Variants in PREX1 observed in about 807,000 individuals in gnomAD.
PREX1 encodes phosphatidylinositol-3,4,5-trisphosphate dependent Rac exchange factor 1, also known as phosphatidylinositol 3,4,5-trisphosphate-dependent Rac exchanger 1 protein.
PREX1 carries 41 observed loss-of-function variants against 198.3 expected under a neutral mutation model. The ratio of observed to expected loss-of-function variants is 0.21; its 90% CI spans 0.16 to 0.27. PREX1 has a LOEUF of 0.27. Among genes scored for constraint, PREX1 ranks in the 10% least tolerant of loss-of-function variants. The pLI is 1.00. For missense variants in PREX1, 1,620 were observed against 2,200.7 expected, an observed-to-expected ratio of 0.74 and a Z score of 5.28; for synonymous variants, 843 against 887.2, an observed-to-expected ratio of 0.95 and a Z score of 0.89.
the PREX1 span, among the ~76,000 whole-genome samples, chr20:48,873,554 CAA>C: frequency 0.23 from 16,327 of 69,858 alleles, 996 homozygotes; most frequent in Non-Finnish European, 0.24. Context: ...AGTAAAAATA[CAA>C]AAAAAAAAAA....
At position 48,660,018 on chromosome 20, in the gene PREX1, G is replaced by C; in HGVS notation, c.1782C>G (p.Arg594=). ...CCTCCATCTCCTCGTCAGCATGAAA[G>C]CGGAAGTACTGGGACTCATCCCTGA... ...SEFRDESQYF[R]FHADEEMEGT... Residue 594 remains arginine, a synonymous_variant, in exon 16 of 40, where the codon CGC becomes CGG. Transcript: ENST00000371941. The C allele has an allele frequency of 6.2e-7, 1 of 1,614,208 alleles. No homozygotes were observed. Among genetic ancestry groups the C allele is most frequent in the Non-Finnish European group, 8.5e-7 (1 of 1,180,032 alleles).
chr20:48,727,298 G>C (rs2090014639), intron 4 of PREX1, among the ~76,000 whole-genome samples: 1 of 152,072 alleles, frequency 6.6e-6, no homozygotes, highest in South Asian at 2.1e-4. Flanking sequence ...GCTCTCTTAG[G>C]AATGGAATAC....
At chr20:48,801,257 A>G (rs529546609) in intron 1 of PREX1, among the ~76,000 whole-genome samples, 1 of 152,350 alleles carries the variant, frequency 6.6e-6, no homozygotes, top group East Asian at 1.9e-4. Flanking sequence ...GTAAGCACCA[A>G]GGAACATCTC....
At chr20:48,819,221 C>T (rs1301947688) in intron 1 of PREX1, among the ~76,000 whole-genome samples, 5 of 152,200 alleles carry the variant, frequency 3.3e-5, no homozygotes, top group African/African-American at 1.2e-4. Context: ...GCATCTGAGG[C>T]CCATGCGACC....
At chr20:48,703,103 C>G (rs774046354) in intron 6 of PREX1, among the ~76,000 whole-genome samples, 16 of 152,352 alleles carry the variant, frequency 1.1e-4, no homozygotes, top group Middle Eastern at 3.4e-3. Context: ...TTCTGAGACC[C>G]AGTAAGGAGA....
chr20:48,725,113 C>T (rs931178399), intron 5 of PREX1, among the ~76,000 whole-genome samples: 1 of 152,210 alleles, frequency 6.6e-6, no homozygotes, highest in Non-Finnish European at 1.5e-5. Flanking sequence ...GCATCACCCA[C>T]CTTCTCCAGC....
the PREX1 span, among the ~76,000 whole-genome samples, chr20:48,883,013 C>A: frequency 6.6e-6 from 1 of 150,520 alleles, no homozygotes; most frequent in Non-Finnish European, 1.5e-5. Flanking sequence ...CCCACTGCGA[C>A]CTCTCAGCCT....
At chr20:48,762,768 T>A (rs767125418) in intron 1 of PREX1, among the ~76,000 whole-genome samples, 3 of 147,588 alleles carry the variant, frequency 2.0e-5, no homozygotes, top group African/African-American at 7.4e-5. Flanking sequence ...AGTGGCACCA[T>A]CTCAGCTCAC....
chr20:48,676,264 G>C lies in PREX1; in HGVS notation c.1594C>G (p.Arg532Gly). 6.2e-7 allele frequency: 1 copy of C among 1,613,732 alleles called. No individual in the cohort carries two copies. The highest frequency in any genetic ancestry group is 1.1e-5 in the South Asian group (1 of 91,056). Residue 532 changes from arginine to glycine, a missense_variant, in exon 14 of 40, where the codon CGT (arginine) becomes GGT (glycine). Arg to Gly is a moderately radical substitution (Grantham distance 125, BLOSUM62 -2). This residue lies in a region of PREX1 where 488 missense variants were observed against 802.5 expected (regional missense o/e 0.61). Transcript: ENST00000371941. ...HSLYTPVIKD[R>G]DYHLKTYKSV... ...TTGTAGGTCTTCAGGTGGTAATCAC[G>C]GTCTCTGTGGAGAAGGTGAGCGCAC...
chr20:48,695,582 T>C (rs2089841245), intron 7 of PREX1, among the ~76,000 whole-genome samples: 1 of 152,208 alleles, frequency 6.6e-6, no homozygotes, highest in Non-Finnish European at 1.5e-5. Context: ...CTATAACTGG[T>C]ATTTTATGTC....
chr20:48,728,837 AAAAC>A (rs1466957823), intron 4 of PREX1, among the ~76,000 whole-genome samples: 3 of 152,218 alleles, frequency 2.0e-5, no homozygotes, highest in Non-Finnish European at 2.9e-5. Context: ...AAAAAAAACA[AAAAC>A]AAAAAAAACA....
At chr20:48,826,348 C>A (rs2090508628) in intron 1 of PREX1, among the ~76,000 whole-genome samples, 1 of 152,146 alleles carries the variant, frequency 6.6e-6, no homozygotes, top group Admixed American at 6.5e-5. Flanking sequence ...ACCCCCTCCA[C>A]CCGCTGGCCA....
rs556841405 is a variant in PREX1, at chr20:48,802,638, A to G, written c.219+25004T>C. Among the ~76,000 whole-genome samples, 248 of 152,290 alleles carry G rather than the reference A, an allele frequency of 1.6e-3. 1 individual carries two copies. The highest frequency in any genetic ancestry group is 2.4e-3 in the Admixed American group (36 of 15,304). ...TTTTCTCATTTGTTATTTCTTCATT[A>G]TTCATCTCCCCCATCCCAAACATCA... On this transcript the variant is annotated intron_variant, in intron 1 of 39. Coordinates refer to ENST00000371941, the MANE Select transcript of PREX1 (RefSeq NM_020820.4).
At chr20:48,655,642 A>G (rs2089537190) in intron 18 of PREX1, among the ~76,000 whole-genome samples, 1 of 152,170 alleles carries the variant, frequency 6.6e-6, no homozygotes. Context: ...ATTCCAGACC[A>G]TCCTCCCACA....
chr20:48,795,801 C>T (rs553228545), intron 1 of PREX1, among the ~76,000 whole-genome samples: 1 of 152,164 alleles, frequency 6.6e-6, no homozygotes, highest in African/African-American at 2.4e-5. Flanking sequence ...GGTGATCCTA[C>T]GTTTACCCTC....
intron 3 of PREX1, among the ~76,000 whole-genome samples, chr20:48,738,894 C>T (rs1313913524): frequency 1.3e-5 from 2 of 152,152 alleles, no homozygotes; most frequent in African/African-American, 4.8e-5. Flanking sequence ...CAGACATATT[C>T]TCCAGTGGGG....
chr20:48,658,849 T>A (rs767549077), intron 16 of PREX1, among the ~76,000 whole-genome samples: 2 of 151,688 alleles, frequency 1.3e-5, no homozygotes, highest in Admixed American at 1.3e-4. Context: ...CAAAACTTCA[T>A]AAAGAGTGGA....
At chr20:48,711,860 C>A (rs2089933128) in intron 5 of PREX1, among the ~76,000 whole-genome samples, 1 of 152,230 alleles carries the variant, frequency 6.6e-6, no homozygotes, top group African/African-American at 2.4e-5. Flanking sequence ...GTGCCGGGTG[C>A]AGTTTCCCTT....
intron 17 of PREX1, 110 bp from the exon 18 acceptor site, chr20:48,657,298 C>G: frequency 7.5e-7 from 1 of 1,333,824 alleles, no homozygotes; most frequent in Non-Finnish European, 1.0e-6. Flanking sequence ...CCAAGGGATC[C>G]AGCAGGACTG....
Sources: allele counts gnomAD v4.1 joint callset (sites outside exome capture counted in the v4.1 genomes callset), GRCh38; gene constraint gnomAD v4.1.1; regional missense constraint gnomAD v4.1.1; transcripts MANE v1.5; gene names NCBI Gene and HGNC (gene_info 2026-07-23, HGNC 2026-07-21).